ASPH: variants seen among roughly 807,000 people sequenced by gnomAD.
The protein encoded by ASPH is aspartyl/asparaginyl beta-hydroxylase.
ASPH carries 100 observed loss-of-function variants against 118.4 expected under a neutral mutation model. The ratio of observed to expected loss-of-function variants is 0.84; its 90% CI spans 0.72 to 1.00. The LOEUF is 1.00. Among genes scored for constraint, ASPH ranks in the 50% least tolerant of loss-of-function variants. The pLI, the probability that ASPH is intolerant of heterozygous loss-of-function variation, is 0.00. For synonymous variants in ASPH, 315 were observed against 325.6 expected (o/e 0.97, Z 0.35); for missense variants, 920 against 919.5 (o/e 1.00, Z -0.01).
chr8:61,512,748 G>GT (rs1356935062), intron 24 of ASPH, among the ~76,000 whole-genome samples: 7 of 152,114 alleles, frequency 4.6e-5, no homozygotes, highest in Non-Finnish European at 8.8e-5. Flanking sequence ...ATCAGTTAAC[G>GT]TATGTAGAGT....
At chr8:61,632,709 T>C (rs372088551) in intron 13 of ASPH, 5 of 460,058 alleles carry the variant, frequency 1.1e-5, no homozygotes, top group South Asian at 3.3e-5. Context: ...AGGACAACTA[T>C]CAAAACCTAA....
intron 3 of ASPH, chr8:61,661,988 C>T (rs541545553): frequency 6.2e-5 from 25 of 402,932 alleles, no homozygotes; most frequent in South Asian, 1.7e-4. Flanking sequence ...CTACCAATGA[C>T]GTTAGGAATA....
At chr8:61,525,926 C>T (rs1184074020) in intron 22 of ASPH, 51 bp downstream of exon 22, 2 of 1,609,936 alleles carry the variant, frequency 1.2e-6, no homozygotes, top group Non-Finnish European at 1.7e-6. Context: ...TCAGTACCCA[C>T]TTCCCATCAG....
chr8:61,628,157 A>T (rs1476424663), intron 13 of ASPH, among the ~76,000 whole-genome samples: 1 of 151,520 alleles, frequency 6.6e-6, no homozygotes, highest in African/African-American at 2.4e-5. Flanking sequence ...TTTTAGGCAA[A>T]GATCCAAACT....
chr8:61,654,201 A>G (rs1812489391), intron 3 of ASPH, among the ~76,000 whole-genome samples: 1 of 151,966 alleles, frequency 6.6e-6, no homozygotes, highest in Admixed American at 6.5e-5. Flanking sequence ...CAGCTAAAAC[A>G]TATGAAAATT....
chr8:61,705,940 G>C (rs1370296353), intron 1 of ASPH, among the ~76,000 whole-genome samples: 2 of 152,188 alleles, frequency 1.3e-5, no homozygotes, highest in African/African-American at 4.8e-5. Flanking sequence ...AACCGCTGTA[G>C]CATCTACATG....
Position 61,611,049 on chromosome 8 carries a change from C to A in ASPH, c.976+7929G>T, listed in dbSNP as rs1847179163. Among the ~76,000 whole-genome samples, 4 of 152,348 alleles carry A rather than the reference C, an allele frequency of 2.6e-5. No homozygotes were observed. The South Asian group carries it at 8.3e-4, about 32-fold the overall frequency. On this transcript the variant is annotated intron_variant, in intron 14 of 24. Coordinates refer to ENST00000379454, the MANE Select transcript of ASPH (RefSeq NM_004318.4). Reference sequence around the variant, plus strand: ...AATAAATTTTTAAAGGAAAGGACCACACTTCATACTTCCCAAGCTCACAAG... The same window carrying A: ...AATAAATTTTTAAAGGAAAGGACCAAACTTCATACTTCCCAAGCTCACAAG...
chr8:61,705,722 C>T (rs1467443672), intron 1 of ASPH, among the ~76,000 whole-genome samples: 1 of 152,052 alleles, frequency 6.6e-6, no homozygotes, highest in Middle Eastern at 3.2e-3. Flanking sequence ...ATAAAAACTC[C>T]TCAGATCAGA....
At position 61,667,586 on chromosome 8, in the gene ASPH, C is replaced by T. The variant is rs368230864; in HGVS notation, c.322+13382G>A. Among the ~76,000 whole-genome samples the T allele has an allele frequency of 7.9e-5, 12 of 152,232 alleles. No homozygotes were observed. In the East Asian group the frequency reaches 1.5e-3, roughly 20 times the overall value. ...TTCACCATATTGCTCAGGCTAGTCT[C>T]GAATTCCTGACCTCGTGATCCACCC... On this transcript the variant is annotated intron_variant, in intron 3 of 24. Transcript: ENST00000379454.
At chr8:61,708,917 C>G (rs1335646051) in intron 1 of ASPH, among the ~76,000 whole-genome samples, 1 of 147,592 alleles carries the variant, frequency 6.8e-6, no homozygotes, top group East Asian at 2.1e-4. Context: ...CCAATGCTCT[C>G]CGCTCTGGAG....
At chr8:61,631,262 C>T (rs1855474031) in intron 13 of ASPH, among the ~76,000 whole-genome samples, 1 of 152,132 alleles carries the variant, frequency 6.6e-6, no homozygotes, top group Non-Finnish European at 1.5e-5. Flanking sequence ...ATAAAATCTA[C>T]AGTAGGGTAC....
intron 15 of ASPH, among the ~76,000 whole-genome samples, chr8:61,581,476 C>G (rs1563907249): frequency 6.6e-6 from 1 of 152,218 alleles, no homozygotes; most frequent in Non-Finnish European, 1.5e-5. Context: ...AAGATACATT[C>G]CTGCAGCTGC....
At chr8:61,633,027 G>A (rs1445484118) in intron 13 of ASPH, 1 of 160,034 alleles carries the variant, frequency 6.2e-6, no homozygotes, top group Non-Finnish European at 1.4e-5. Flanking sequence ...GAGAGTACGA[G>A]GTTTATAAAC....
chr8:61,680,501 A>G (rs972682655), intron 3 of ASPH: 6 of 151,878 alleles, frequency 4.0e-5, no homozygotes, highest in African/African-American at 1.4e-4. Context: ...TTTTAATGCT[A>G]CCGTTAAAAT....
At position 61,607,244 on chromosome 8, in the gene ASPH, G is replaced by A. The variant is rs574183170; in HGVS notation, c.976+11734C>T. ...GTTCCCCCTTCCATTCTTTAAGAAG[G>A]GTCAACACATGAAAGGATGGCTGAA... On this transcript the variant is annotated intron_variant, in intron 14 of 24. Coordinates refer to ENST00000379454, the MANE Select transcript of ASPH (RefSeq NM_004318.4). The A allele has an allele frequency of 1.6e-4, 112 of 701,506 alleles. No individual in the cohort carries two copies. In the African/African-American group the frequency reaches 1.7e-3, roughly 11 times the overall value. The allele number at this position is 701,506 out of a possible 1,614,324, so 43.5% of individuals were successfully genotyped here. A position where few individuals can be genotyped will look rare whatever the true frequency, so the allele number is the denominator to read the frequency against.
chr8:61,711,005 T>C (rs770825947), intron 1 of ASPH, among the ~76,000 whole-genome samples: 3 of 152,136 alleles, frequency 2.0e-5, no homozygotes, highest in Non-Finnish European at 2.9e-5. Context: ...CTGAGACACC[T>C]TGAGAGAGTT....
chr8:61,601,178 T>C (rs1843859304), intron 14 of ASPH, among the ~76,000 whole-genome samples: 1 of 151,072 alleles, frequency 6.6e-6, no homozygotes, highest in African/African-American at 2.5e-5. Flanking sequence ...CAGTAATTAA[T>C]AGGACAAGCA....
chr8:61,660,899 AATCTC>A (rs1313319110), intron 3 of ASPH: 1 of 152,232 alleles, frequency 6.6e-6, no homozygotes, highest in Non-Finnish European at 1.5e-5. Context: ...AAGACCATAA[AATCTC>A]ATCTATGGAA....
intron 14 of ASPH, among the ~76,000 whole-genome samples, chr8:61,618,224 T>C (rs1416986479): frequency 1.3e-5 from 2 of 152,160 alleles, no homozygotes; most frequent in Non-Finnish European, 2.9e-5. Context: ...TAAGATCTTA[T>C]GCACGTTATG....
Sources: gnomAD v4.1 joint callset for allele counts (sites outside exome capture counted in the v4.1 genomes callset) on GRCh38, gnomAD v4.1.1 for gene constraint, MANE v1.5 for transcripts, NCBI Gene and HGNC (gene_info 2026-07-23, HGNC 2026-07-21) for gene names.